The following SMARCA2 variants were observed in gnomAD, a reference collection of about 807,000 sequenced individuals.
SMARCA2 encodes SWI/SNF-related matrix-associated actin-dependent regulator of chromatin subfamily A member 2.
SMARCA2 carries 61 observed loss-of-function variants against 199.8 expected under a neutral mutation model. The observed-to-expected ratio is 0.31, with a 90% CI of 0.25 to 0.38. The LOEUF (loss-of-function observed/expected upper bound fraction) is 0.38. Ranked by LOEUF, SMARCA2 falls within the 10% of genes least tolerant of loss-of-function variation. The pLI, the probability that SMARCA2 is intolerant of heterozygous loss-of-function variation, is 1.00. For missense variants in SMARCA2, 1,344 were observed against 2,012.2 expected, an observed-to-expected ratio of 0.67 and a Z score of 6.35; for synonymous variants, 935 against 732.0, an observed-to-expected ratio of 1.28 and a Z score of -4.48.
chr9:2,076,831 G>A (rs527760613), intron 13 of SMARCA2, among the ~76,000 whole-genome samples: 1 of 152,034 alleles, frequency 6.6e-6, no homozygotes, highest in Non-Finnish European at 1.5e-5. Flanking sequence ...AGCCCTCCGA[G>A]TGCCCTGGCT....
At chr9:2,179,257 T>C (rs895297435) in intron 29 of SMARCA2, among the ~76,000 whole-genome samples, 5 of 152,142 alleles carry the variant, frequency 3.3e-5, no homozygotes, top group Admixed American at 2.0e-4. Flanking sequence ...AATGAGGACA[T>C]ATCCTGGAGG....
At position 2,123,058 on chromosome 9, in the gene SMARCA2, GTATAA is replaced by G. The variant is rs1443925458; in HGVS notation, c.3763-656_3763-652del. On this transcript the variant is annotated intron_variant, in intron 26 of 33. Coordinates refer to ENST00000349721, the MANE Select transcript of SMARCA2 (RefSeq NM_003070.5). This position sits in a 1 kb window ranked among gnomAD's most constrained non-coding sequence, Gnocchi z 4.1. ...TACCTCTGAGCTCTCTCTGTCTGTG[GTATAA>G]TATATTCATAAGAGCACAAAGCTTA... Among the ~76,000 whole-genome samples the G allele has an allele frequency of 6.6e-6, 1 of 152,120 alleles. No homozygotes were observed. Among genetic ancestry groups the G allele is most frequent in the Non-Finnish European group, 1.5e-5 (1 of 68,020 alleles).
At position 2,146,428 on chromosome 9, in the gene SMARCA2, C is replaced by T. The variant is rs532545439; in HGVS notation, c.3982-15258C>T. On this transcript the variant is annotated intron_variant, in intron 27 of 33. Coordinates refer to ENST00000349721, the MANE Select transcript of SMARCA2 (RefSeq NM_003070.5). Reference sequence around the variant, plus strand: ...TCATAGAGATCTCTAGATTCTGTTACCGGATCCCACCACTTACTCAAAGTT... The same window carrying T: ...TCATAGAGATCTCTAGATTCTGTTATCGGATCCCACCACTTACTCAAAGTT... 1.1e-4 allele frequency among the ~76,000 whole-genome samples: 16 copies of T among 152,240 alleles called. No individual in the cohort carries two copies. The East Asian group carries it at 3.1e-3, about 29-fold the overall frequency.
At chr9:2,052,232 G>A (rs1177510387) in intron 5 of SMARCA2, among the ~76,000 whole-genome samples, 1 of 152,236 alleles carries the variant, frequency 6.6e-6, no homozygotes, top group Non-Finnish European at 1.5e-5. Context: ...CCAGCACTTC[G>A]GGAGGCCGAT....
At chr9:2,078,750 C>T (rs919295120) in intron 14 of SMARCA2, among the ~76,000 whole-genome samples, 3 of 151,974 alleles carry the variant, frequency 2.0e-5, no homozygotes, top group Non-Finnish European at 4.4e-5. Flanking sequence ...TGAGACCATC[C>T]TTGCTAACAC....
At chr9:2,040,268 C>T (rs1042942163) in intron 4 of SMARCA2, 12 of 416,202 alleles carry the variant, frequency 2.9e-5, no homozygotes, top group African/African-American at 2.2e-4. Flanking sequence ...CTCAGATCAG[C>T]CCCACTAGAG....
At chr9:2,073,476 C>T (rs1821176780) in intron 11 of SMARCA2, 90 bp from the exon 12 acceptor site, 4 of 1,458,232 alleles carry the variant, frequency 2.7e-6, no homozygotes, top group Non-Finnish European at 1.9e-6. Flanking sequence ...GTCTTTTATA[C>T]ATAGAATGTG....
At chr9:2,182,478 C>CTTTTTTTTTTTTTTTTTTTT (rs145095906) in intron 31 of SMARCA2, among the ~76,000 whole-genome samples, 1 of 96,732 alleles carries the variant, frequency 1.0e-5, no homozygotes, top group African/African-American at 3.7e-5. Flanking sequence ...AGCTTATAGT[C>CTTTTTTTTTTTTTTTTTTTT]TTTTTTTTTT....
At chr9:2,047,857 T>G (rs1161497136) in intron 5 of SMARCA2, 1 of 155,840 alleles carries the variant, frequency 6.4e-6, no homozygotes, top group Non-Finnish European at 1.4e-5. Flanking sequence ...TTCGGTAGCT[T>G]GGTATAATCT....
rs764102651 is a variant in SMARCA2, at chr9:2,088,639, G to T, written c.2883+26G>T. ...GTATGTTGCACAACCAAAAGTTGTGGGTTTTTTTTTTCCTCCAGCAAATAT... is the reference window on the plus strand; with the variant it reads ...GTATGTTGCACAACCAAAAGTTGTGTGTTTTTTTTTTCCTCCAGCAAATAT... On this transcript the variant is annotated intron_variant, in intron 19 of 33. Transcript: ENST00000349721. 2.0e-6 allele frequency: 3 copies of T among 1,525,966 alleles called. No individual in the cohort carries two copies. In the South Asian group the frequency reaches 3.6e-5, roughly 18 times the overall value. 94.5% of individuals were successfully genotyped at this position (1,525,966 alleles called of 1,614,324 possible).
chr9:2,176,520 T>TTATC (rs1376520124), intron 29 of SMARCA2, among the ~76,000 whole-genome samples: 1 of 152,046 alleles, frequency 6.6e-6, no homozygotes, highest in African/African-American at 2.4e-5. Flanking sequence ...GGGACATTAT[T>TTATC]TATCTGTAGT....
Position 2,192,707 on chromosome 9 carries a change from C to A in SMARCA2, c.4741C>A (p.Gln1581Lys). ...ATCTTCTTATTTTTACTTTTAGGAA[C>A]AGTCAGAAGGAAGTGGGACGGATGA... Reference protein sequence around the residue: ...DSDEEQDEREQSEGSGTDDE With the variant: ...DSDEEQDEREKSEGSGTDDE The change falls in exon 34 of 34, where the codon CAG becomes AAG. Residue 1581 changes from glutamine to lysine, a missense_variant. Physicochemically the swap from Gln to Lys is moderately conservative, Grantham distance 53 (BLOSUM62 1). Coordinates refer to ENST00000349721, the MANE Select transcript of SMARCA2 (RefSeq NM_003070.5). 1 of 1,604,612 alleles carries A rather than the reference C, an allele frequency of 6.2e-7. No homozygotes were observed. The highest frequency in any genetic ancestry group is 8.5e-7 in the Non-Finnish European group (1 of 1,171,416).
At position 2,039,935 on chromosome 9, in the gene SMARCA2, G is replaced by T; in HGVS notation, c.790+35G>T. The T allele has an allele frequency of 1.2e-6, 2 of 1,604,906 alleles. No individual in the cohort carries two copies. The highest frequency in any genetic ancestry group is 8.5e-7 in the Non-Finnish European group (1 of 1,175,326). On this transcript the variant is annotated intron_variant, in intron 4 of 33. Transcript: ENST00000349721. This position sits in a 1 kb window ranked among gnomAD's most constrained non-coding sequence, Gnocchi z 4.8. ...TACGCAACCAAATGAATAATGCCAT[G>T]GTCCAACTCGGATAACAAAGACTGC...
chr9:2,028,986 G>GCAT lies in SMARCA2; in HGVS notation c.-36_-34dup. On this transcript the variant is annotated splice_region_variant and 5_prime_UTR_variant. Coordinates refer to ENST00000349721, the MANE Select transcript of SMARCA2 (RefSeq NM_003070.5). The stretch of plus-strand genomic sequence containing the variant: ...TTCCTTTTTTCTGCTTTTCAACTTA[G>GCAT]CATTACTCTACTGACTGGCAGAGAC... The GCAT allele has an allele frequency of 6.5e-7, 1 of 1,542,584 alleles. No homozygotes were observed.
chr9:2,064,209 T>C (rs1166024258), intron 9 of SMARCA2, among the ~76,000 whole-genome samples: 1 of 152,256 alleles, frequency 6.6e-6, no homozygotes, highest in East Asian at 1.9e-4. Flanking sequence ...GACCACTGTC[T>C]GAGTCGTGTT....
chr9:2,064,953 G>A (rs972587327), intron 9 of SMARCA2, among the ~76,000 whole-genome samples: 1 of 152,232 alleles, frequency 6.6e-6, no homozygotes, highest in Admixed American at 6.5e-5. Context: ...GGGAGGCCGA[G>A]GCGGGCGGAT....
chr9:2,039,759 C>G lies in SMARCA2; in HGVS notation c.649C>G (p.Gln217Glu). 6.2e-7 allele frequency: 1 copy of G among 1,611,470 alleles called. No homozygotes were observed. The highest frequency in any genetic ancestry group is 8.5e-7 in the Non-Finnish European group (1 of 1,179,096). The change falls in exon 4 of 34, where the codon CAA becomes GAA. Residue 217 changes from glutamine (Q) to glutamate (E), a missense_variant. Physicochemically the swap from Gln to Glu is conservative, Grantham distance 29 (BLOSUM62 2). Transcript: ENST00000349721. This position sits in a 1 kb window ranked among gnomAD's most constrained non-coding sequence, Gnocchi z 4.8. Reference protein sequence around the residue: ...QGKRTLPGLQQQQQQQQQQQQ... With the variant: ...QGKRTLPGLQEQQQQQQQQQQ... ...GAAAAGGACGTTGCCTGGCTTGCAG[C>G]AACAACAGCAGCAGCAACAGCAGCA...
At chr9:2,053,174 G>T (rs916848319) in intron 5 of SMARCA2, among the ~76,000 whole-genome samples, 27 of 152,058 alleles carry the variant, frequency 1.8e-4, no homozygotes, top group Non-Finnish European at 2.2e-4. Flanking sequence ...CCATCTTTAT[G>T]TCCATGAATA....
intron 14 of SMARCA2, among the ~76,000 whole-genome samples, chr9:2,078,743 G>T (rs976304009): frequency 8.6e-5 from 13 of 151,982 alleles, no homozygotes; most frequent in African/African-American, 3.1e-4. Context: ...AGGAGATTGA[G>T]ACCATCCTTG....
Sources: gnomAD v4.1 joint callset for allele counts (sites outside exome capture counted in the v4.1 genomes callset) on GRCh38, gnomAD v4.1.1 for gene constraint, Gnocchi (gnomAD v3.1) non-coding constraint, MANE v1.5 for transcripts, NCBI Gene and HGNC (gene_info 2026-07-23, HGNC 2026-07-21) for gene names.